The following SMAP1 variants were observed in gnomAD, a reference collection of about 807,000 sequenced individuals.
SMAP1 encodes the protein stromal membrane-associated protein 1.
Under a neutral mutation model 58.5 loss-of-function variants are expected in SMAP1, and 24 were observed. That is an observed-to-expected ratio of 0.41 (90% CI 0.30 to 0.58). The LOEUF is 0.58. SMAP1 is among the 20% of genes least tolerant of loss of function. The probability of loss-of-function intolerance (pLI) is 0.29; values close to 1 mark genes in which losing one functional copy is unlikely to be tolerated. For synonymous variants in SMAP1, 216 were observed against 196.6 expected (o/e 1.10, Z -0.82); for missense variants, 563 against 566.3 (o/e 0.99, Z 0.06).
At chr6:70,697,270 T>C (rs982457423) in intron 1 of SMAP1, among the ~76,000 whole-genome samples, 1 of 152,232 alleles carries the variant, frequency 6.6e-6, no homozygotes, top group South Asian at 2.1e-4. Context: ...TTTTGTTATT[T>C]GTTTTCTGGT....
chr6:70,786,661 C>G (rs1319368466), intron 4 of SMAP1, among the ~76,000 whole-genome samples: 3 of 152,092 alleles, frequency 2.0e-5, no homozygotes, highest in African/African-American at 7.2e-5. Context: ...ACATCAATAA[C>G]AGACAAACAG....
intron 1 of SMAP1, chr6:70,668,713 T>C (rs997909093): frequency 3.3e-6 from 5 of 1,535,980 alleles, no homozygotes; most frequent in Middle Eastern, 3.3e-4. Context: ...GGTGGTCTTT[T>C]TCGGTGGGTT....
chr6:70,671,342 A>G (rs1766256883), intron 1 of SMAP1, among the ~76,000 whole-genome samples: 1 of 151,992 alleles, frequency 6.6e-6, no homozygotes, highest in Non-Finnish European at 1.5e-5. Context: ...GTTAATGTAT[A>G]TTTCTGAGAT....
chr6:70,845,736 A>G (rs112453729), intron 7 of SMAP1, among the ~76,000 whole-genome samples: 4,632 of 152,320 alleles, frequency 0.03, 261 homozygotes, highest in African/African-American at 0.11. Context: ...CAGTTGGAAC[A>G]GATGAGCAAG....
In SMAP1 at chr6:70,682,170, A is replaced by ATTTTTTTT. The variant is rs66981900; in HGVS notation, c.118+14058_118+14065dup. On this transcript the variant is annotated intron_variant, in intron 1 of 10. Transcript: ENST00000370455. Reference sequence around the variant, plus strand: ...GGATTTAAGGTTATTCTCTGCACAGATTTTTTTTTTTTTTTTTTTTTTTTT... The same window carrying ATTTTTTTT: ...GGATTTAAGGTTATTCTCTGCACAGATTTTTTTTTTTTTTTTTTTTTTTTTTTTTTTTT... 6.8e-4 allele frequency among the ~76,000 whole-genome samples: 65 copies of ATTTTTTTT among 95,916 alleles called. 2 individuals carry two copies. Among genetic ancestry groups the ATTTTTTTT allele is most frequent in the Non-Finnish European group, 1.1e-3 (54 of 50,670 alleles). The allele number at this position is 95,916 out of a possible 152,430, so 62.9% of individuals were successfully genotyped here. A position where few individuals can be genotyped will look rare whatever the true frequency, so the allele number is the denominator to read the frequency against.
chr6:70,755,489 G>T (rs1487417071), intron 3 of SMAP1, among the ~76,000 whole-genome samples: 1 of 152,006 alleles, frequency 6.6e-6, no homozygotes, highest in Non-Finnish European at 1.5e-5. Flanking sequence ...TATGCTTTGT[G>T]TTAGAAGATT....
rs1287257690 is a variant in SMAP1, at chr6:70,715,065, G to A, written c.119-17313G>A. ...TAATTTTTGACAATTTGATGATAATGTATTGTCTCTGTGTGGGTTTCTTTT... is the reference window on the plus strand; with the variant it reads ...TAATTTTTGACAATTTGATGATAATATATTGTCTCTGTGTGGGTTTCTTTT... On this transcript the variant is annotated intron_variant, in intron 1 of 10. Transcript: ENST00000370455. 6.4e-5 allele frequency among the ~76,000 whole-genome samples: 9 copies of A among 139,872 alleles called. No individual in the cohort carries two copies. In the South Asian group the frequency reaches 1.9e-3, roughly 29 times the overall value. 91.8% of individuals were successfully genotyped at this position (139,872 alleles called of 152,430 possible). A position where few individuals can be genotyped will look rare whatever the true frequency, so the allele number is the denominator to read the frequency against.
chr6:70,707,176 T>G (rs1384715365), intron 1 of SMAP1, among the ~76,000 whole-genome samples: 2 of 152,186 alleles, frequency 1.3e-5, no homozygotes, highest in East Asian at 3.8e-4. Context: ...TTTTGTCATA[T>G]TTTGATCACA....
At chr6:70,814,918 C>G (rs1769553505) in intron 6 of SMAP1, among the ~76,000 whole-genome samples, 1 of 152,114 alleles carries the variant, frequency 6.6e-6, no homozygotes, top group Non-Finnish European at 1.5e-5. Context: ...AAATGTTTAC[C>G]TATCATCTAG....
chr6:70,761,974 T>G (rs1486663520), intron 3 of SMAP1, among the ~76,000 whole-genome samples: 1 of 152,124 alleles, frequency 6.6e-6, no homozygotes, highest in Non-Finnish European at 1.5e-5. Flanking sequence ...ATAGGTTCAA[T>G]AGATCAGCTA....
intron 7 of SMAP1, 22 bp from the exon 8 acceptor site, chr6:70,852,518 C>T (rs200239074): frequency 2.1e-5 from 31 of 1,509,754 alleles, no homozygotes; most frequent in African/African-American, 9.9e-5. Context: ...TACGTTAAGA[C>T]GAGAATCTAT....
At chr6:70,852,693 G>A in intron 8 of SMAP1, 29 bp downstream of exon 8, 3 of 1,508,476 alleles carry the variant, frequency 2.0e-6, no homozygotes, top group Non-Finnish European at 1.8e-6. Context: ...GTTTTATATG[G>A]TCACTGCTTA....
chr6:70,840,326 C>A (rs183408616), intron 7 of SMAP1, among the ~76,000 whole-genome samples: 33 of 152,254 alleles, frequency 2.2e-4, no homozygotes, highest in Admixed American at 1.1e-3. Flanking sequence ...TTTTGTGTAA[C>A]CCAGTAACTC....
intron 6 of SMAP1, among the ~76,000 whole-genome samples, chr6:70,812,128 A>G (rs1318778346): frequency 6.6e-6 from 1 of 152,224 alleles, no homozygotes; most frequent in Non-Finnish European, 1.5e-5. Context: ...AATTGAAGAC[A>G]CTGAAAGCAA....
chr6:70,834,164 A>T (rs944530359), intron 6 of SMAP1, among the ~76,000 whole-genome samples: 8 of 152,190 alleles, frequency 5.3e-5, no homozygotes, highest in African/African-American at 1.7e-4. Context: ...AGATAGTTTC[A>T]TACTCAGCAG....
In SMAP1 at chr6:70,837,028, G is replaced by A. The variant is rs1219190207; in HGVS notation, c.664G>A (p.Asp222Asn). The A allele has an allele frequency of 6.4e-7, 1 of 1,568,210 alleles. No individual in the cohort carries two copies. Among genetic ancestry groups the A allele is most frequent in the Non-Finnish European group, 8.6e-7 (1 of 1,160,442 alleles). Residue 222 changes from aspartate (D) to asparagine (N), a missense_variant and splice_region_variant, in exon 7 of 11, where the codon GAT becomes AAT. Physicochemically the swap from Asp to Asn is conservative, Grantham distance 23 (BLOSUM62 1). Coordinates refer to ENST00000370455, the MANE Select transcript of SMAP1 (RefSeq NM_001044305.3). ...GCCCACTGTGGATCTTTTAGGACTT[G>A]GTAAGTAATAAAAAATAAAAGTCAC... ...AEPTVDLLGL[D>N]GPAVAPVTNG... is the part of the protein sequence containing the mutation.
At chr6:70,747,124 T>G (rs1766076471) in intron 2 of SMAP1, among the ~76,000 whole-genome samples, 1 of 152,234 alleles carries the variant, frequency 6.6e-6, no homozygotes, top group African/African-American at 2.4e-5. Flanking sequence ...CCTGGGACTG[T>G]AGAACTGGGT....
chr6:70,694,191 TTGATCTAC>T (rs1673289583), intron 1 of SMAP1: 1 of 322,586 alleles, frequency 3.1e-6, no homozygotes, highest in African/African-American at 2.3e-5. Flanking sequence ...AGGCTATAAC[TTGATCTAC>T]TGATGGATAA....
chr6:70,854,429 C>T (rs1386819075), intron 8 of SMAP1, among the ~76,000 whole-genome samples: 1 of 152,046 alleles, frequency 6.6e-6, no homozygotes, highest in Non-Finnish European at 1.5e-5. Context: ...CAACACCAGC[C>T]TGGCCAACAT....
Sources: gnomAD v4.1 joint callset for allele counts (sites outside exome capture counted in the v4.1 genomes callset) on GRCh38, gnomAD v4.1.1 for gene constraint, MANE v1.5 for transcripts, NCBI Gene and HGNC (gene_info 2026-07-23, HGNC 2026-07-21) for gene names.